The following LNPEP variants were observed in gnomAD, a reference collection of about 807,000 sequenced individuals.
LNPEP encodes the protein leucyl-cystinyl aminopeptidase.
LNPEP carries 64 observed loss-of-function variants against 120.6 expected under a neutral mutation model. That is an observed-to-expected ratio of 0.53 (90% CI 0.43 to 0.65). LNPEP has a LOEUF of 0.65. Ranked by LOEUF, LNPEP falls within the 30% of genes least tolerant of loss-of-function variation. The pLI is 0.00. For missense variants in LNPEP, 1,057 were observed against 1,200.0 expected (o/e 0.88, Z 1.76); for synonymous variants, 435 against 425.4 (o/e 1.02, Z -0.28).
chr5:97,016,587 G>T (rs565258485), intron 13 of LNPEP, among the ~76,000 whole-genome samples: 1 of 152,046 alleles, frequency 6.6e-6, no homozygotes, highest in African/African-American at 2.4e-5. Context: ...TAGCAACGTC[G>T]TCTTTCCAGG....
At chr5:97,027,584 T>G (rs1304218715) in intron 16 of LNPEP, 149 bp from the exon 17 acceptor site, 1 of 583,754 alleles carries the variant, frequency 1.7e-6, no homozygotes, top group Non-Finnish European at 3.0e-6. Flanking sequence ...ACAATAAGTA[T>G]GCATAGGGCT....
intron 13 of LNPEP, among the ~76,000 whole-genome samples, chr5:97,016,697 G>T (rs1791076155): frequency 6.6e-6 from 1 of 152,014 alleles, no homozygotes. Context: ...ACATCTAGTT[G>T]TTCTCCTAAA....
At chr5:96,937,241 T>C (rs1788927571) in intron 1 of LNPEP, 3 of 152,266 alleles carry the variant, frequency 2.0e-5, no homozygotes, top group African/African-American at 4.8e-5. Context: ...CAGACAGATA[T>C]TGTCCACTTT....
At chr5:96,971,960 T>C (rs1320857737) in intron 1 of LNPEP, among the ~76,000 whole-genome samples, 1 of 152,136 alleles carries the variant, frequency 6.6e-6, no homozygotes, top group African/African-American at 2.4e-5. Flanking sequence ...CACCTTAAGA[T>C]TGCTTTCTAA....
intron 1 of LNPEP, among the ~76,000 whole-genome samples, chr5:96,965,013 G>A (rs889072218): frequency 1.3e-5 from 2 of 152,098 alleles, no homozygotes. Flanking sequence ...TGCATACAGT[G>A]TGTAATGATC....
At chr5:96,939,818 AT>A (rs141235003) in intron 1 of LNPEP, among the ~76,000 whole-genome samples, 2,232 of 152,244 alleles carry the variant, frequency 0.015, 59 homozygotes, top group African/African-American at 0.051. Context: ...TAAAATTGTG[AT>A]TCCATCTTTT....
chr5:96,987,707 G>C (rs1363162104), intron 4 of LNPEP, among the ~76,000 whole-genome samples: 1 of 152,172 alleles, frequency 6.6e-6, no homozygotes, highest in Non-Finnish European at 1.5e-5. Flanking sequence ...AGTGTAGACT[G>C]TAATATTAAG....
chr5:97,023,825 G>T (rs548773814), intron 14 of LNPEP, among the ~76,000 whole-genome samples: 1 of 152,278 alleles, frequency 6.6e-6, no homozygotes, highest in Admixed American at 6.5e-5. Context: ...TACAGCAGCT[G>T]CACCATCATT....
chr5:96,979,748 T>C lies in LNPEP; in HGVS notation c.630T>C (p.His210=), dbSNP rs571332495. 2 of 1,614,070 alleles carry C rather than the reference T, an allele frequency of 1.2e-6. No homozygotes were observed. Among genetic ancestry groups the C allele is most frequent in the Non-Finnish European group, 8.5e-7 (1 of 1,179,956 alleles). The part of the protein sequence containing the change: ...ALQVTWNIIL[H]STGHNISRVT... ...AGGTCACATGGAATATCATTCTTCA[T>C]AGCACAGGTCATAATATTTCAAGAG... Residue 210 remains histidine (H), a synonymous_variant, in exon 2 of 18, where the codon CAT becomes CAC. Transcript: ENST00000231368.
chr5:96,963,605 A>C (rs1581988396), intron 1 of LNPEP, among the ~76,000 whole-genome samples: 1 of 152,294 alleles, frequency 6.6e-6, no homozygotes, highest in East Asian at 1.9e-4. Context: ...AGGCCTCTTA[A>C]AGCCTAGGAT....
Position 96,936,181 on chromosome 5 carries a change from G to T in LNPEP, c.19+7G>T. On this transcript the variant is annotated splice_region_variant and intron_variant, in intron 1 of 17. Transcript: ENST00000231368. ...ATGGAGCCCTTCACCAATGGTGAGT[G>T]GGCTGCCGAGGCGCCGGGACCCGGG... The T allele has an allele frequency of 6.9e-7, 1 of 1,449,428 alleles. No homozygotes were observed. The highest frequency in any genetic ancestry group is 9.1e-7 in the Non-Finnish European group (1 of 1,103,308). The allele number at this position is 1,449,428 out of a possible 1,614,324, so 89.8% of individuals were successfully genotyped here.
chr5:96,998,049 G>A lies in LNPEP; in HGVS notation c.1557G>A (p.Met519Ile), dbSNP rs1029306255. 6.3e-7 allele frequency: 1 copy of A among 1,582,252 alleles called. No homozygotes were observed. The highest frequency in any genetic ancestry group is 1.1e-5 in the South Asian group (1 of 88,448). ...EDFLDARFKT[M>I]KKDSLNSSHP... ...TCTTAGATGCTCGATTTAAAACCAT[G>A]AAGAAAGATTCCTTAAATTCATCTC... The change falls in exon 8 of 18, where the codon ATG becomes ATA. Residue 519 changes from methionine (M) to isoleucine (I), a missense_variant. Physicochemically the swap from Met to Ile is conservative, Grantham distance 10. Coordinates refer to ENST00000231368, the MANE Select transcript of LNPEP (RefSeq NM_005575.3).
chr5:96,961,186 C>CA (rs1192483778), intron 1 of LNPEP, among the ~76,000 whole-genome samples: 7 of 149,722 alleles, frequency 4.7e-5, no homozygotes, highest in East Asian at 1.9e-4. Flanking sequence ...AAAAACAAAA[C>CA]AAAAAAAAAC....
chr5:97,036,862 T>C lies in LNPEP; in HGVS notation c.*8329T>C, dbSNP rs962191347. The C allele has an allele frequency of 6.6e-6, 1 of 152,144 alleles. No homozygotes were observed. Among genetic ancestry groups the C allele is most frequent in the Non-Finnish European group, 1.5e-5 (1 of 68,004 alleles). The allele number at this position is 152,144 out of a possible 1,614,324, so 9.4% of individuals were successfully genotyped here. On this transcript the variant is annotated 3_prime_UTR_variant, in exon 18 of 18. Transcript: ENST00000231368. ...TTCATGACACATTTACATTTGATCA[T>C]AAATAAAAGAAAAAAGGGCACCTTT...
intron 3 of LNPEP, among the ~76,000 whole-genome samples, chr5:96,985,488 AT>A (rs1251749275): frequency 6.6e-6 from 1 of 152,216 alleles, no homozygotes; most frequent in Non-Finnish European, 1.5e-5. Flanking sequence ...TTGTGCAAAT[AT>A]TAATACAATG....
At position 97,028,544 on chromosome 5, in the gene LNPEP, C is replaced by G. The variant is rs369443546; in HGVS notation, c.*11C>G. 6.2e-7 allele frequency: 1 copy of G among 1,612,152 alleles called. No homozygotes were observed. Among genetic ancestry groups the G allele is most frequent in the African/African-American group, 1.3e-5 (1 of 74,842 alleles). On this transcript the variant is annotated 3_prime_UTR_variant, in exon 18 of 18. Transcript: ENST00000231368. Reference sequence around the variant, plus strand: ...ACATGGTGGCTGTAGCATGCACAACCGCACCTCATTTTGTTGCCCATTCAG... The same window carrying G: ...ACATGGTGGCTGTAGCATGCACAACGGCACCTCATTTTGTTGCCCATTCAG...
At chr5:96,977,933 G>A (rs927602760) in intron 1 of LNPEP, among the ~76,000 whole-genome samples, 1 of 152,126 alleles carries the variant, frequency 6.6e-6, no homozygotes, top group African/African-American at 2.4e-5. Context: ...TTTTAGACCT[G>A]TGCTTTAATA....
At chr5:96,964,529 T>C (rs1021175940) in intron 1 of LNPEP, among the ~76,000 whole-genome samples, 16 of 152,230 alleles carry the variant, frequency 1.1e-4, no homozygotes, top group African/African-American at 3.8e-4. Context: ...ATAAATAATT[T>C]TTTGTCTGCA....
chr5:96,948,353 G>A (rs1789241927), intron 1 of LNPEP, among the ~76,000 whole-genome samples: 1 of 152,202 alleles, frequency 6.6e-6, no homozygotes, highest in Non-Finnish European at 1.5e-5. Flanking sequence ...CCTGACCTCA[G>A]GTGATCTGCC....
Sources: gnomAD v4.1 joint callset for allele counts (sites outside exome capture counted in the v4.1 genomes callset) on GRCh38, gnomAD v4.1.1 for gene constraint, MANE v1.5 for transcripts, NCBI Gene and HGNC (gene_info 2026-07-23, HGNC 2026-07-21) for gene names.